Variants in PKNOX2 observed in about 807,000 individuals in gnomAD.
The protein encoded by PKNOX2 is PBX/knotted 1 homeobox 2.
Under a neutral mutation model 53.1 loss-of-function variants are expected in PKNOX2, and 14 were observed. That is an observed-to-expected ratio of 0.26 (90% confidence interval 0.17 to 0.41). The LOEUF (loss-of-function observed/expected upper bound fraction) is 0.41, where lower values mean the gene tolerates loss of function less well. Among genes scored for constraint, PKNOX2 ranks in the 10% least tolerant of loss-of-function variants. The pLI is 1.00. For missense variants in PKNOX2, 496 were observed against 602.8 expected, an observed-to-expected ratio of 0.82 and a Z score of 1.85; for synonymous variants, 257 against 242.8, an observed-to-expected ratio of 1.06 and a Z score of -0.54.
At chr11:125,254,404 T>G (rs1944250575) in intron 2 of PKNOX2, among the ~76,000 whole-genome samples, 1 of 152,210 alleles carries the variant, frequency 6.6e-6, no homozygotes, top group Non-Finnish European at 1.5e-5. Context: ...CAGTGGGATC[T>G]GCCTGAGGGC....
intron 2 of PKNOX2, among the ~76,000 whole-genome samples, chr11:125,314,168 C>T (rs960986279): frequency 6.6e-6 from 1 of 152,166 alleles, no homozygotes; most frequent in African/African-American, 2.4e-5. Context: ...GATGAAGGGG[C>T]TTCACCTTCC....
In PKNOX2 at chr11:125,230,318, G is replaced by T. The variant is rs986512720; in HGVS notation, c.-200-4727G>T. 1.9e-4 allele frequency among the ~76,000 whole-genome samples: 29 copies of T among 152,218 alleles called. 3 individuals carry two copies. The highest frequency in any genetic ancestry group is 1.5e-5 in the Non-Finnish European group (1 of 68,044). ...GTGTCATTTAGAGCCTGCTGGTCAG[G>T]GGCCACAGTGCCTGACTGACAACCT... is the stretch of plus-strand genomic sequence containing the variant. On this transcript the variant is annotated intron_variant, in intron 1 of 12. Transcript: ENST00000298282.
intron 7 of PKNOX2, among the ~76,000 whole-genome samples, chr11:125,405,325 C>T (rs1482489117): frequency 6.6e-6 from 1 of 152,226 alleles, no homozygotes; most frequent in African/African-American, 2.4e-5. Flanking sequence ...ATGTCTTTGT[C>T]CCATTCTGGT....
intron 1 of PKNOX2, among the ~76,000 whole-genome samples, chr11:125,220,948 G>A (rs1941080929): frequency 6.6e-6 from 1 of 152,030 alleles, no homozygotes; most frequent in Admixed American, 6.6e-5. Context: ...GGCCGAGGCG[G>A]GCGAATCACA....
chr11:125,353,100 G>T (rs1479938456), intron 4 of PKNOX2, among the ~76,000 whole-genome samples: 2 of 152,200 alleles, frequency 1.3e-5, no homozygotes, highest in African/African-American at 4.8e-5. Context: ...CCCACATATC[G>T]ATTAAGTGGT....
At chr11:125,179,983 C>T (rs1439827830) in intron 1 of PKNOX2, among the ~76,000 whole-genome samples, 1 of 152,118 alleles carries the variant, frequency 6.6e-6, no homozygotes, top group Non-Finnish European at 1.5e-5. Context: ...GCTGAATCTC[C>T]TCCTCCCCAA....
At chr11:125,384,714 T>A (rs758819874) in intron 5 of PKNOX2, among the ~76,000 whole-genome samples, 11 of 151,990 alleles carry the variant, frequency 7.2e-5, no homozygotes, top group Non-Finnish European at 1.6e-4. Flanking sequence ...ATAGAGCCAT[T>A]TAGGTAAACA....
intron 6 of PKNOX2, among the ~76,000 whole-genome samples, chr11:125,386,256 T>C (rs1337777840): frequency 2.0e-5 from 3 of 152,214 alleles, no homozygotes; most frequent in Non-Finnish European, 4.4e-5. Context: ...ACCTAATTTG[T>C]CAACTAGAGC....
chr11:125,206,624 G>T (rs1331390014), intron 1 of PKNOX2, among the ~76,000 whole-genome samples: 2 of 152,092 alleles, frequency 1.3e-5, no homozygotes, highest in African/African-American at 2.4e-5. Flanking sequence ...GCGAGCTGGT[G>T]ATCTTGAGCG....
intron 2 of PKNOX2, among the ~76,000 whole-genome samples, chr11:125,283,574 G>A (rs547967013): frequency 1.3e-5 from 2 of 152,354 alleles, no homozygotes; most frequent in Non-Finnish European, 2.9e-5. Context: ...GGGTAGAGAT[G>A]TGCCAGGGCC....
intron 2 of PKNOX2, among the ~76,000 whole-genome samples, chr11:125,267,512 G>A (rs561614028): frequency 2.0e-5 from 3 of 152,334 alleles, no homozygotes; most frequent in East Asian, 3.9e-4. Context: ...GAGGGATTCT[G>A]CTCTCCAGGC....
In PKNOX2 at chr11:125,283,857, G is replaced by C. The variant is rs114899002; in HGVS notation, c.-129-47962G>C. ...AGGCATTTCTGAAGGTGGGAAATCA[G>C]TCAAGTATTATAATACTATTCAACA... is the stretch of plus-strand genomic sequence containing the variant. On this transcript the variant is annotated intron_variant, in intron 2 of 12. Coordinates refer to ENST00000298282, the MANE Select transcript of PKNOX2 (RefSeq NM_001382323.2). Among the ~76,000 whole-genome samples the C allele has an allele frequency of 2.6e-5, 4 of 152,144 alleles. No homozygotes were observed. The South Asian group carries it at 6.2e-4, about 24-fold the overall frequency.
chr11:125,365,419 G>A (rs1001513789), intron 4 of PKNOX2, among the ~76,000 whole-genome samples: 13 of 151,876 alleles, frequency 8.6e-5, no homozygotes, highest in Admixed American at 3.3e-4. Flanking sequence ...ACTAAAACAC[G>A]GCTACTAAGC....
intron 2 of PKNOX2, among the ~76,000 whole-genome samples, chr11:125,250,541 C>T (rs1362165367): frequency 2.6e-5 from 4 of 152,202 alleles, no homozygotes; most frequent in African/African-American, 9.7e-5. Context: ...TGCCAGACCC[C>T]ACTGGAAAGA....
At chr11:125,336,839 CATTAT>C (rs1030885650) in intron 3 of PKNOX2, among the ~76,000 whole-genome samples, 1 of 145,722 alleles carries the variant, frequency 6.9e-6, no homozygotes, top group African/African-American at 2.5e-5. Flanking sequence ...GTATAATATA[CATTAT>C]ATAATATGTA....
chr11:125,237,997 C>T (rs1398182513), intron 2 of PKNOX2, among the ~76,000 whole-genome samples: 1 of 152,210 alleles, frequency 6.6e-6, no homozygotes, highest in Non-Finnish European at 1.5e-5. Flanking sequence ...CCTCCCTGAC[C>T]TCACGTCCCC....
At chr11:125,427,995 TC>T (rs1956510950) in intron 10 of PKNOX2, among the ~76,000 whole-genome samples, 1 of 152,174 alleles carries the variant, frequency 6.6e-6, no homozygotes. Flanking sequence ...TGTTCAGTCT[TC>T]CCCACCACTG....
At position 125,240,073 on chromosome 11, in the gene PKNOX2, A is replaced by G. The variant is rs1328986133; in HGVS notation, c.-130+4958A>G. On this transcript the variant is annotated intron_variant, in intron 2 of 12. Coordinates refer to ENST00000298282, the MANE Select transcript of PKNOX2 (RefSeq NM_001382323.2). The surrounding 1 kb of genome is among the most constrained non-coding windows in gnomAD (Gnocchi z 4.3). Reference sequence around the variant, plus strand: ...AGACGTTATGCAATCAAGGCACTTTAGCAGGAATCTGGCGGCAGAGAGGCC... The same window carrying G: ...AGACGTTATGCAATCAAGGCACTTTGGCAGGAATCTGGCGGCAGAGAGGCC... 1.3e-5 allele frequency: 2 copies of G among 152,226 alleles called. No individual in the cohort carries two copies. Among genetic ancestry groups the G allele is most frequent in the Admixed American group, 1.3e-4 (2 of 15,288 alleles). 9.4% of individuals were successfully genotyped at this position (152,226 alleles called of 1,614,324 possible). A position where few individuals can be genotyped will look rare whatever the true frequency, so the allele number is the denominator to read the frequency against.
In PKNOX2 at chr11:125,367,064, G is replaced by C. The variant is rs78857208; in HGVS notation, c.88-782G>C. On this transcript the variant is annotated intron_variant, in intron 4 of 12. Coordinates refer to ENST00000298282, the MANE Select transcript of PKNOX2 (RefSeq NM_001382323.2). ...CATTCACACTTTTAGAGATTTCTTT[G>C]ACTGAAGGAAATAAAAAAGCATGAA... Among the ~76,000 whole-genome samples, 7 of 152,118 alleles carry C rather than the reference G, an allele frequency of 4.6e-5. No homozygotes were observed. In the East Asian group the frequency reaches 1.2e-3, roughly 25 times the overall value.
Sources: gnomAD v4.1 joint callset for allele counts (sites outside exome capture counted in the v4.1 genomes callset) on GRCh38, gnomAD v4.1.1 for gene constraint, Gnocchi (gnomAD v3.1) non-coding constraint, MANE v1.5 for transcripts, NCBI Gene and HGNC (gene_info 2026-07-23, HGNC 2026-07-21) for gene names.